EBF1: variants seen among roughly 807,000 people sequenced by gnomAD.
The protein encoded by EBF1 is EBF transcription factor 1, also known as transcription factor COE1.
In EBF1, 10 loss-of-function variants were observed where a neutral mutation model predicts 68.4. The ratio of observed to expected loss-of-function variants is 0.15; its 90% CI spans 0.09 to 0.25. The LOEUF (loss-of-function observed/expected upper bound fraction) is 0.25. Ranked by LOEUF, EBF1 falls within the 10% of genes least tolerant of loss-of-function variation. The pLI, the probability that EBF1 is intolerant of heterozygous loss-of-function variation, is 1.00. For synonymous variants in EBF1, 298 were observed against 299.8 expected (o/e 0.99, Z 0.06); for missense variants, 509 against 794.4 (o/e 0.64, Z 4.32).
At chr5:158,975,272 C>T (rs1453881550) in intron 6 of EBF1, among the ~76,000 whole-genome samples, 1 of 152,118 alleles carries the variant, frequency 6.6e-6, no homozygotes, top group African/African-American at 2.4e-5. Flanking sequence ...GACCCCACTC[C>T]CCCCAAAAAA....
intron 10 of EBF1, among the ~76,000 whole-genome samples, chr5:158,745,008 A>G (rs1161701721): frequency 6.6e-6 from 1 of 152,196 alleles, no homozygotes; most frequent in Non-Finnish European, 1.5e-5. Context: ...TCTACCCTAG[A>G]TTTGGACTTG....
intron 7 of EBF1, among the ~76,000 whole-genome samples, chr5:158,827,639 T>C (rs1296703043): frequency 6.6e-6 from 1 of 152,192 alleles, no homozygotes; most frequent in Non-Finnish European, 1.5e-5. Flanking sequence ...AGACCTTGTA[T>C]GTCCTAACTC....
chr5:158,740,103 C>G (rs997005540), intron 10 of EBF1, among the ~76,000 whole-genome samples: 1 of 152,148 alleles, frequency 6.6e-6, no homozygotes, highest in East Asian at 1.9e-4. Context: ...AACTTGAACA[C>G]GCACCAGGGA....
intron 6 of EBF1, among the ~76,000 whole-genome samples, chr5:158,950,917 G>T (rs1049453848): frequency 6.6e-6 from 1 of 152,222 alleles, no homozygotes; most frequent in African/African-American, 2.4e-5. Context: ...TTGTTGCCAT[G>T]TGGGATGGCT....
At chr5:158,977,776 C>A (rs1035048662) in intron 6 of EBF1, among the ~76,000 whole-genome samples, 14 of 152,218 alleles carry the variant, frequency 9.2e-5, no homozygotes, top group African/African-American at 3.4e-4. Context: ...TCCCAGTGGG[C>A]TGCCTGGGAA....
intron 6 of EBF1, among the ~76,000 whole-genome samples, chr5:158,871,484 G>A (rs1051097739): frequency 1.3e-5 from 2 of 152,182 alleles, no homozygotes; most frequent in East Asian, 1.9e-4. Context: ...AATCAAAATA[G>A]GGAGGAAATA....
chr5:158,800,557 A>G (rs919565210), intron 8 of EBF1, among the ~76,000 whole-genome samples: 3 of 152,234 alleles, frequency 2.0e-5, no homozygotes, highest in African/African-American at 7.2e-5. Flanking sequence ...AAACAGTTGT[A>G]CTTTTTAGAG....
intron 9 of EBF1, among the ~76,000 whole-genome samples, chr5:158,784,489 T>A (rs1053955999): frequency 3.3e-5 from 5 of 152,134 alleles, no homozygotes; most frequent in African/African-American, 1.2e-4. Context: ...CTGAGAATGA[T>A]TCCCAAGGAA....
At chr5:158,876,691 A>G (rs950064581) in intron 6 of EBF1, among the ~76,000 whole-genome samples, 1 of 152,244 alleles carries the variant, frequency 6.6e-6, no homozygotes, top group Non-Finnish European at 1.5e-5. Flanking sequence ...ATTTGGAGGC[A>G]TGAAAATACC....
At chr5:159,091,517 T>G (rs1246606310) in intron 4 of EBF1, among the ~76,000 whole-genome samples, 1 of 152,246 alleles carries the variant, frequency 6.6e-6, no homozygotes, top group Non-Finnish European at 1.5e-5. Flanking sequence ...CTTTTTTGTT[T>G]GTTTATTTCC....
chr5:158,932,155 G>A (rs1482474272), intron 6 of EBF1, among the ~76,000 whole-genome samples: 1 of 152,198 alleles, frequency 6.6e-6, no homozygotes, highest in Non-Finnish European at 1.5e-5. Flanking sequence ...CTTTGAGCCT[G>A]TAATTGCACT....
In EBF1 at chr5:158,803,303, C is replaced by A. The variant is rs146565406; in HGVS notation, c.779-6828G>T. On this transcript the variant is annotated intron_variant, in intron 8 of 15. Transcript: ENST00000313708. Reference sequence around the variant, plus strand: ...CACAAAATATTCCACTTGGACTCAGCGCACAGATATCTCTTCCTCCTGCTC... The same window carrying A: ...CACAAAATATTCCACTTGGACTCAGAGCACAGATATCTCTTCCTCCTGCTC... Among the ~76,000 whole-genome samples, 173 of 151,298 alleles carry A rather than the reference C, an allele frequency of 1.1e-3. 1 individual carries two copies. Among genetic ancestry groups the A allele is most frequent in the African/African-American group, 3.8e-3 (155 of 41,220 alleles).
intron 15 of EBF1, among the ~76,000 whole-genome samples, chr5:158,700,497 G>A (rs1346606493): frequency 6.7e-6 from 1 of 149,970 alleles, no homozygotes; most frequent in East Asian, 1.9e-4. Flanking sequence ...TACTATTCTG[G>A]AAGAATGTGC....
chr5:158,799,431 AT>A (rs1208871005), intron 8 of EBF1, among the ~76,000 whole-genome samples: 10 of 32,732 alleles, frequency 3.1e-4, no homozygotes, highest in African/African-American at 5.0e-4. Context: ...AAATAAATAA[AT>A]TAATTAATTA....
rs116078559 is a variant in EBF1, at chr5:158,943,503, G to A, written c.555-103393C>T. ...ATTCCAGTTGTGATATATATTATAC[G>A]TGGCATCCATAACTGGATCCAAATC... On this transcript the variant is annotated intron_variant, in intron 6 of 15. Transcript: ENST00000313708. Among the ~76,000 whole-genome samples the A allele has an allele frequency of 4.7e-3, 711 of 152,224 alleles. 4 individuals carry two copies. The highest frequency in any genetic ancestry group is 0.016 in the African/African-American group (655 of 41,524).
intron 6 of EBF1, among the ~76,000 whole-genome samples, chr5:158,946,034 G>A (rs1198733703): frequency 1.3e-5 from 2 of 152,006 alleles, no homozygotes; most frequent in Non-Finnish European, 2.9e-5. Flanking sequence ...AGCTCCATCA[G>A]GTCATTTATG....
chr5:158,796,278 A>G, intron 9 of EBF1, 67 bp downstream of exon 9: 2 of 1,470,884 alleles, frequency 1.4e-6, no homozygotes, highest in Non-Finnish European at 1.8e-6. Flanking sequence ...TCTATTAGAA[A>G]TTCAAGTATA....
intron 6 of EBF1, among the ~76,000 whole-genome samples, chr5:158,922,157 T>C (rs1357413766): frequency 6.6e-6 from 1 of 152,240 alleles, no homozygotes; most frequent in East Asian, 1.9e-4. Flanking sequence ...TGTATGGCTA[T>C]ACCATCTGTG....
chr5:158,844,694 T>C (rs773967497), intron 6 of EBF1, among the ~76,000 whole-genome samples: 11 of 152,266 alleles, frequency 7.2e-5, no homozygotes, highest in Admixed American at 2.0e-4. Context: ...AAGCCAATCC[T>C]GTAAGAGCTG....
Sources: gnomAD v4.1 joint callset for allele counts (sites outside exome capture counted in the v4.1 genomes callset) on GRCh38, gnomAD v4.1.1 for gene constraint, MANE v1.5 for transcripts, NCBI Gene and HGNC (gene_info 2026-07-23, HGNC 2026-07-21) for gene names.